The following TOP2B variants were observed in gnomAD, a reference collection of about 807,000 sequenced individuals.
The protein encoded by TOP2B is DNA topoisomerase 2-beta.
In TOP2B, 51 loss-of-function variants were observed where a neutral mutation model predicts 193.5. That is an observed-to-expected ratio of 0.26 (90% confidence interval 0.21 to 0.33). TOP2B has a LOEUF of 0.33. Among genes scored for constraint, TOP2B ranks in the 10% least tolerant of loss-of-function variants. TOP2B has a pLI of 1.00. For missense variants in TOP2B, 1,378 were observed against 1,909.3 expected (o/e 0.72, Z 5.19); for synonymous variants, 634 against 635.7 (o/e 1.00, Z 0.04).
chr3:25,644,730 C>G (rs1272068956), intron 2 of TOP2B, among the ~76,000 whole-genome samples: 1 of 143,994 alleles, frequency 6.9e-6, no homozygotes. Context: ...TGGGAGATGG[C>G]GGGTGGGGAA....
intron 7 of TOP2B, among the ~76,000 whole-genome samples, chr3:25,634,757 A>ACC (rs1269909219): frequency 3.7e-5 from 5 of 134,926 alleles, no homozygotes; most frequent in Non-Finnish European, 7.7e-5. Flanking sequence ...TGGGAAATCA[A>ACC]CCCAGATCTA....
At chr3:25,633,121 T>G (rs1347463508) in intron 8 of TOP2B, among the ~76,000 whole-genome samples, 1 of 152,084 alleles carries the variant, frequency 6.6e-6, no homozygotes, top group East Asian at 1.9e-4. Context: ...TACCTGGAGT[T>G]AGCACAAGTA....
Position 25,630,693 on chromosome 3 carries a change from C to G in TOP2B, c.1405+108G>C, listed in dbSNP as rs1170103793. ...ATAATTTCAATGAAGTAAAATCATACTCTGAATGGAAAATCATAGTCTAAC... is the reference window on the plus strand; with the variant it reads ...ATAATTTCAATGAAGTAAAATCATAGTCTGAATGGAAAATCATAGTCTAAC... On this transcript the variant is annotated intron_variant, in intron 11 of 35. Transcript: ENST00000264331. 8 of 1,115,720 alleles carry G rather than the reference C, an allele frequency of 7.2e-6. No homozygotes were observed. In the Admixed American group the frequency reaches 2.4e-4, roughly 34 times the overall value. 69.1% of individuals were successfully genotyped at this position (1,115,720 alleles called of 1,614,324 possible).
chr3:25,610,452 G>A (rs955589068), intron 28 of TOP2B, among the ~76,000 whole-genome samples: 2 of 152,202 alleles, frequency 1.3e-5, no homozygotes, highest in African/African-American at 2.4e-5. Context: ...TTCTGACTGA[G>A]TTCTAAAGGA....
At chr3:25,664,106 T>A in intron 1 of TOP2B, 123 bp downstream of exon 1, 2 of 1,415,362 alleles carry the variant, frequency 1.4e-6, no homozygotes, top group Non-Finnish European at 1.9e-6. Context: ...CACAGGCCCC[T>A]ATGGAGCGCC....
At chr3:25,625,233 T>C (rs1039803823) in intron 18 of TOP2B, among the ~76,000 whole-genome samples, 2 of 152,118 alleles carry the variant, frequency 1.3e-5, no homozygotes. Context: ...TAAAAAGCGA[T>C]TTATTGTGGT....
At chr3:25,603,726 G>C (rs1235310358) in intron 33 of TOP2B, among the ~76,000 whole-genome samples, 1 of 152,218 alleles carries the variant, frequency 6.6e-6, no homozygotes, top group East Asian at 1.9e-4. Flanking sequence ...AAGTTACCAA[G>C]CCAATCATCA....
At chr3:25,617,220 T>G (rs1702526083) in intron 25 of TOP2B, among the ~76,000 whole-genome samples, 1 of 152,056 alleles carries the variant, frequency 6.6e-6, no homozygotes, top group African/African-American at 2.4e-5. Context: ...CTAGTTACTT[T>G]TTTTAAAAAA....
intron 1 of TOP2B, among the ~76,000 whole-genome samples, chr3:25,646,682 T>C (rs1183727588): frequency 6.6e-6 from 1 of 152,156 alleles, no homozygotes; most frequent in Non-Finnish European, 1.5e-5. Flanking sequence ...AGAATACAGA[T>C]AATAGGAGAT....
chr3:25,599,171 T>C (rs1002399750), intron 35 of TOP2B, among the ~76,000 whole-genome samples: 1 of 152,172 alleles, frequency 6.6e-6, no homozygotes, highest in Non-Finnish European at 1.5e-5. Flanking sequence ...AAGAGTCTAA[T>C]ATTTAGGTAG....
intron 25 of TOP2B, among the ~76,000 whole-genome samples, chr3:25,617,051 T>C (rs576002456): frequency 6.6e-6 from 1 of 152,060 alleles, no homozygotes; most frequent in Admixed American, 6.6e-5. Context: ...CCCCAAAATG[T>C]ACACATGGCC....
rs567560528 is a variant in TOP2B at position 25,645,967 on chromosome 3, C to T, written c.70-497G>A. ...TGTATTTTTAGTAGAGACAAGGTTT[C>T]ACCATGTTGGCCAGGCTGGTCTCGA... On this transcript the variant is annotated intron_variant, in intron 1 of 35. Transcript: ENST00000264331. Among the ~76,000 whole-genome samples, 372 of 145,142 alleles carry T rather than the reference C, an allele frequency of 2.6e-3. 3 individuals carry two copies. The highest frequency in any genetic ancestry group is 9.2e-3 in the African/African-American group (353 of 38,510).
At chr3:25,609,376 T>A (rs1487301210) in intron 29 of TOP2B, 32 bp from the exon 30 acceptor site, 2 of 1,527,104 alleles carry the variant, frequency 1.3e-6, no homozygotes, top group African/African-American at 1.4e-5. Flanking sequence ...AAGGTATGTA[T>A]CCATATTTAT....
At chr3:25,627,709 A>G (rs1479925511) in intron 15 of TOP2B, among the ~76,000 whole-genome samples, 4 of 152,198 alleles carry the variant, frequency 2.6e-5, no homozygotes, top group Admixed American at 6.5e-5. Context: ...GAGAAATGCT[A>G]TATTAATAAA....
At position 25,598,288 on chromosome 3, in the gene TOP2B, GTTTGTGCTC is replaced by G. The variant is rs771961845; in HGVS notation, c.*10_*18del. On this transcript the variant is annotated 3_prime_UTR_variant, in exon 36 of 36. Transcript: ENST00000264331. ...CAACACAAGATATTTGTTGAAAAAT[GTTTGTGCTC>G]TTTGGGCACTTAATTAAACATTGCA... The G allele has an allele frequency of 6.3e-7, 1 of 1,586,946 alleles. No individual in the cohort carries two copies. The highest frequency in any genetic ancestry group is 8.6e-7 in the Non-Finnish European group (1 of 1,163,396).
chr3:25,646,891 T>C (rs921066182), intron 1 of TOP2B, among the ~76,000 whole-genome samples: 2 of 152,338 alleles, frequency 1.3e-5, no homozygotes, highest in South Asian at 4.1e-4. Context: ...GTAAGTTTTA[T>C]ATACAATTAA....
At chr3:25,602,743 T>C (rs139498203) in intron 33 of TOP2B, among the ~76,000 whole-genome samples, 9 of 152,270 alleles carry the variant, frequency 5.9e-5, no homozygotes, top group African/African-American at 2.2e-4. Context: ...TTCCTTGGCT[T>C]GGAGTTACAT....
rs369074206 is a variant in TOP2B at position 25,634,955 on chromosome 3, G to A, written c.853-941C>T. On this transcript the variant is annotated intron_variant, in intron 7 of 35. Transcript: ENST00000264331. Reference sequence around the variant, plus strand: ...AAACTTATAAAGGTCAAACCCCTGAGATACAGGTTCACCATGCACTCCAAA... The same window carrying A: ...AAACTTATAAAGGTCAAACCCCTGAAATACAGGTTCACCATGCACTCCAAA... Among the ~76,000 whole-genome samples, 62 of 152,142 alleles carry A rather than the reference G, an allele frequency of 4.1e-4. No individual in the cohort carries two copies. The South Asian group carries it at 0.013, about 32-fold the overall frequency.
chr3:25,664,139 T>A, intron 1 of TOP2B, 90 bp downstream of exon 1: 8 of 1,482,876 alleles, frequency 5.4e-6, no homozygotes, highest in Non-Finnish European at 7.2e-6. Flanking sequence ...GGGATTTCCC[T>A]CCCTTTCCCC....
Sources: gnomAD v4.1 joint callset for allele counts (sites outside exome capture counted in the v4.1 genomes callset) on GRCh38, gnomAD v4.1.1 for gene constraint, MANE v1.5 for transcripts, NCBI Gene and HGNC (gene_info 2026-07-23, HGNC 2026-07-21) for gene names.